Variants in BMP2K observed in about 807,000 individuals in gnomAD.
The protein encoded by BMP2K is BMP-2-inducible protein kinase.
In BMP2K, 74 loss-of-function variants were observed where a neutral mutation model predicts 116.0. That is an observed-to-expected ratio of 0.64 (90% CI 0.53 to 0.77). BMP2K has a LOEUF of 0.77. Among genes scored for constraint, BMP2K ranks in the 30% least tolerant of loss-of-function variants. The probability of loss-of-function intolerance (pLI) is 0.00; values close to 1 mark genes in which losing one functional copy is unlikely to be tolerated. For synonymous variants in BMP2K, 486 were observed against 502.5 expected, an observed-to-expected ratio of 0.97 and a Z score of 0.44; for missense variants, 1,365 against 1,403.6, an observed-to-expected ratio of 0.97 and a Z score of 0.44.
At chr4:78,793,941 C>G (rs1728129870) in intron 1 of BMP2K, among the ~76,000 whole-genome samples, 1 of 151,940 alleles carries the variant, frequency 6.6e-6, no homozygotes, top group African/African-American at 2.4e-5. Flanking sequence ...ATTGGACATA[C>G]TGGACAGTGC....
rs1047953045 is a variant in BMP2K at position 78,912,921 on chromosome 4, A to G, written c.*888A>G. On this transcript the variant is annotated 3_prime_UTR_variant, in exon 16 of 16. Transcript: ENST00000502613. ...ACTTTATGCATGGCTTCTTGCCCCA[A>G]ACTTTTATTGTGATGGCCCTAATAA... is the stretch of plus-strand genomic sequence containing the variant. 11 of 152,182 alleles carry G rather than the reference A, an allele frequency of 7.2e-5. No homozygotes were observed. Among genetic ancestry groups the G allele is most frequent in the African/African-American group, 2.2e-4 (9 of 41,442 alleles). The allele number at this position is 152,182 out of a possible 1,614,324, so 9.4% of individuals were successfully genotyped here. A position where few individuals can be genotyped will look rare whatever the true frequency, so the allele number is the denominator to read the frequency against.
chr4:78,881,105 T>G (rs1355826441), intron 14 of BMP2K, among the ~76,000 whole-genome samples: 2 of 152,206 alleles, frequency 1.3e-5, no homozygotes, highest in African/African-American at 2.4e-5. Flanking sequence ...TAGTCTCACT[T>G]CCACATTTAT....
intron 15 of BMP2K, among the ~76,000 whole-genome samples, chr4:78,896,723 A>G (rs557823687): frequency 6.6e-6 from 1 of 152,342 alleles, no homozygotes; most frequent in East Asian, 1.9e-4. Context: ...AATTTCTAAT[A>G]TTTAAACTGT....
At chr4:78,839,301 A>G (rs763657387) in intron 3 of BMP2K, among the ~76,000 whole-genome samples, 2 of 152,114 alleles carry the variant, frequency 1.3e-5, no homozygotes, top group Non-Finnish European at 2.9e-5. Context: ...TGGTTTTCTC[A>G]TGTGGATGAT....
At chr4:78,851,154 A>ATGAAATTTTTG in intron 7 of BMP2K, 98 bp downstream of exon 7, 1 of 1,247,004 alleles carries the variant, frequency 8.0e-7, no homozygotes, top group Non-Finnish European at 1.1e-6. Context: ...AATTTCATAT[A>ATGAAATTTTTG]TGAAAATTTT....
chr4:78,823,635 T>A (rs969215618), intron 1 of BMP2K, among the ~76,000 whole-genome samples: 18 of 148,824 alleles, frequency 1.2e-4, no homozygotes, highest in African/African-American at 4.0e-4. Context: ...TATAGTTATA[T>A]AGTTATGTCT....
At chr4:78,870,735 A>C in intron 10 of BMP2K, 48 bp from the exon 11 acceptor site, 1 of 1,548,550 alleles carries the variant, frequency 6.5e-7, no homozygotes, top group Non-Finnish European at 8.7e-7. Context: ...CCAGCTTTTT[A>C]ATTGAAATCA....
intron 1 of BMP2K, among the ~76,000 whole-genome samples, chr4:78,807,570 C>CT (rs201123285): frequency 4.1e-3 from 610 of 149,202 alleles, no homozygotes; most frequent in African/African-American, 7.3e-3. Flanking sequence ...TTTCTTTTTT[C>CT]TTTTTTTTTA....
At chr4:78,885,635 C>T (rs573074353) in intron 14 of BMP2K, among the ~76,000 whole-genome samples, 1 of 152,324 alleles carries the variant, frequency 6.6e-6, no homozygotes, top group South Asian at 2.1e-4. Flanking sequence ...GAAACCAGTA[C>T]AGCTTACCAT....
rs1423415097 is a variant in BMP2K at position 78,912,163 on chromosome 4, T to C, written c.*130T>C. On this transcript the variant is annotated 3_prime_UTR_variant, in exon 16 of 16. Coordinates refer to ENST00000502613, the MANE Select transcript of BMP2K (RefSeq NM_198892.2). ...AAGATCAGTCAGAATAGGTGATTTC[T>C]AAATAAACCAAATAGAAGAATGAAG... 34 of 822,044 alleles carry C rather than the reference T, an allele frequency of 4.1e-5. 1 individual carries two copies. Among genetic ancestry groups the C allele is most frequent in the Non-Finnish European group, 7.8e-6 (4 of 514,592 alleles). The allele number at this position is 822,044 out of a possible 1,614,324, so 50.9% of individuals were successfully genotyped here.
chr4:78,838,868 A>G (rs1730619231), intron 3 of BMP2K, among the ~76,000 whole-genome samples: 1 of 152,164 alleles, frequency 6.6e-6, no homozygotes, highest in Admixed American at 6.6e-5. Flanking sequence ...TTATTTGCTA[A>G]TATTTTGATA....
At chr4:78,787,337 A>G (rs1727777044) in intron 1 of BMP2K, among the ~76,000 whole-genome samples, 1 of 152,130 alleles carries the variant, frequency 6.6e-6, no homozygotes, top group African/African-American at 2.4e-5. Context: ...ATACTACCAG[A>G]TTTATTTTTG....
chr4:78,791,922 G>A (rs909568778), intron 1 of BMP2K, among the ~76,000 whole-genome samples: 1 of 152,184 alleles, frequency 6.6e-6, no homozygotes, highest in Non-Finnish European at 1.5e-5. Flanking sequence ...ATATGTATAT[G>A]TTTGAGTCCC....
chr4:78,871,970 G>T (rs1732379621), intron 12 of BMP2K, 22 bp downstream of exon 12: 2 of 1,506,984 alleles, frequency 1.3e-6, no homozygotes, highest in Admixed American at 1.8e-5. Flanking sequence ...AATTTCTAGA[G>T]ATTTCTCTGA....
chr4:78,873,658 CTGTGTG>C (rs377226626), intron 13 of BMP2K, among the ~76,000 whole-genome samples: 15,773 of 139,432 alleles, frequency 0.11, 961 homozygotes, highest in Admixed American at 0.21. Flanking sequence ...CTCCCAACCT[CTGTGTG>C]TGTGTGTGTG....
chr4:78,825,292 A>T (rs1043757685), intron 1 of BMP2K, among the ~76,000 whole-genome samples: 1 of 152,186 alleles, frequency 6.6e-6, no homozygotes, highest in Non-Finnish European at 1.5e-5. Context: ...TGAGTTCTAG[A>T]GGGAGGTGGT....
chr4:78,887,312 G>A, intron 15 of BMP2K, 28 bp downstream of exon 15: 2 of 1,485,894 alleles, frequency 1.3e-6, no homozygotes, highest in Non-Finnish European at 1.9e-6. Flanking sequence ...CATCATCACT[G>A]TCACAAATAA....
intron 15 of BMP2K, chr4:78,898,794 GAAAT>G (rs1035601033): frequency 2.0e-5 from 3 of 151,922 alleles, no homozygotes; most frequent in Admixed American, 6.6e-5. Flanking sequence ...ACAAAAATAA[GAAAT>G]AAACCTATTG....
At chr4:78,820,241 A>G (rs1471462252) in intron 1 of BMP2K, among the ~76,000 whole-genome samples, 1 of 152,236 alleles carries the variant, frequency 6.6e-6, no homozygotes, top group Non-Finnish European at 1.5e-5. Context: ...GTGCTTACAC[A>G]TTCATCTATT....
Sources: gnomAD v4.1 joint callset for allele counts (sites outside exome capture counted in the v4.1 genomes callset) on GRCh38, gnomAD v4.1.1 for gene constraint, MANE v1.5 for transcripts, NCBI Gene and HGNC (gene_info 2026-07-23, HGNC 2026-07-21) for gene names.